Variants in PLCE1 observed in about 807,000 individuals in gnomAD.
PLCE1 encodes 1-phosphatidylinositol 4,5-bisphosphate phosphodiesterase epsilon-1.
In PLCE1, 119 loss-of-function variants were observed where a neutral mutation model predicts 242.8. The observed-to-expected ratio is 0.49, with a 90% CI of 0.42 to 0.57. The LOEUF (loss-of-function observed/expected upper bound fraction) is 0.57, where lower values mean the gene tolerates loss of function less well. Among genes scored for constraint, PLCE1 ranks in the 20% least tolerant of loss-of-function variants. The pLI is 0.00. For synonymous variants in PLCE1, 945 were observed against 1,017.4 expected, an observed-to-expected ratio of 0.93 and a Z score of 1.35; for missense variants, 2,441 against 2,788.8, an observed-to-expected ratio of 0.88 and a Z score of 2.81.
intron 19 of PLCE1, among the ~76,000 whole-genome samples, chr10:94,278,363 A>G (rs569224291): frequency 6.6e-6 from 1 of 152,316 alleles, no homozygotes; most frequent in East Asian, 1.9e-4. Context: ...GTAGGGAATA[A>G]ACTACAGTAA....
chr10:94,264,584 C>T (rs1035142452), intron 14 of PLCE1, among the ~76,000 whole-genome samples: 3 of 135,094 alleles, frequency 2.2e-5, no homozygotes, highest in East Asian at 2.2e-4. Flanking sequence ...GGCAGTGGCG[C>T]GATCTTTGTT....
chr10:94,027,820 A>AAAATAAAT (rs5787098), intron 1 of PLCE1, among the ~76,000 whole-genome samples: 266 of 149,410 alleles, frequency 1.8e-3, no homozygotes, highest in Non-Finnish European at 2.8e-3. Flanking sequence ...ACTCCATCTC[A>AAAATAAAT]AAATAAATAA....
At chr10:94,207,245 G>C (rs2049185141) in intron 4 of PLCE1, among the ~76,000 whole-genome samples, 1 of 152,182 alleles carries the variant, frequency 6.6e-6, no homozygotes, top group African/African-American at 2.4e-5. Context: ...AATGGAGAAG[G>C]GGACACACAG....
intron 2 of PLCE1, among the ~76,000 whole-genome samples, chr10:94,129,630 C>A (rs1023383520): frequency 2.0e-5 from 3 of 152,104 alleles, no homozygotes; most frequent in East Asian, 1.9e-4. Context: ...AATGAGCCAG[C>A]GCAGCAGCTT....
At position 94,010,171 on chromosome 10, in the gene PLCE1, C is replaced by T. The variant is rs184077520; in HGVS notation, c.-365+15913C>T. Among the ~76,000 whole-genome samples, 1,085 of 152,340 alleles carry T rather than the reference C, an allele frequency of 7.1e-3. 4 individuals carry two copies. The highest frequency in any genetic ancestry group is 0.02 in the Middle Eastern group (6 of 294). The stretch of plus-strand genomic sequence containing the variant: ...TCCTGTGCACCTGCACACTTAACAC[C>T]GCATGGAAGCCACCAGGGCATATGG... On this transcript the variant is annotated intron_variant, in intron 1 of 32. Transcript: ENST00000371380.
At chr10:94,171,158 G>A (rs1408001776) in intron 3 of PLCE1, 22 bp from the exon 4 acceptor site, 24 of 1,607,648 alleles carry the variant, frequency 1.5e-5, no homozygotes, top group East Asian at 2.2e-5. Flanking sequence ...ATGTAACCAC[G>A]ACTTCTGTTG....
chr10:94,236,800 C>T (rs2050339380), intron 7 of PLCE1, among the ~76,000 whole-genome samples: 1 of 152,140 alleles, frequency 6.6e-6, no homozygotes, highest in South Asian at 2.1e-4. Context: ...AGACCATCTG[C>T]AAATAATCAC....
chr10:94,123,713 C>T (rs1254161309), intron 2 of PLCE1, among the ~76,000 whole-genome samples: 2 of 152,198 alleles, frequency 1.3e-5, no homozygotes, highest in African/African-American at 2.4e-5. Flanking sequence ...TATCTTCAAC[C>T]TTTTAGAACA....
rs770314103 is a variant in PLCE1 at position 94,270,561 on chromosome 10, T to C, written c.4465T>C (p.Cys1489Arg). Residue 1489 changes from cysteine to arginine, a missense_variant, in exon 18 of 33, where the codon TGT (cysteine) becomes CGT (arginine). Cys to Arg is a radical substitution (Grantham distance 180). Coordinates refer to ENST00000371380, the MANE Select transcript of PLCE1 (RefSeq NM_016341.4). ...LPIIISIENH[C>R]SLPQQRKMAE... ...AATCATCATATCGATTGAGAACCAC[T>C]GTTCATTGCCTCAGCAACGAAAAAT... The C allele has an allele frequency of 1.2e-6, 2 of 1,613,858 alleles. No homozygotes were observed. The highest frequency in any genetic ancestry group is 1.7e-6 in the Non-Finnish European group (2 of 1,179,718).
At position 94,051,541 on chromosome 10, in the gene PLCE1, T is replaced by G. The variant is rs185760741; in HGVS notation, c.1206+19289T>G. ...ATAATTTTGTAGATAAGTATATGCA[T>G]CCCAAAACTAGCCGGAAATTTCTGA... On this transcript the variant is annotated intron_variant, in intron 2 of 32. Transcript: ENST00000371380. Among the ~76,000 whole-genome samples, 110 of 152,254 alleles carry G rather than the reference T, an allele frequency of 7.2e-4. No homozygotes were observed. In the East Asian group the frequency reaches 0.021, roughly 29 times the overall value.
chr10:94,287,529 C>T (rs935008032), intron 22 of PLCE1: 2 of 151,768 alleles, frequency 1.3e-5, no homozygotes, highest in Non-Finnish European at 2.9e-5. Flanking sequence ...GTATGAGGCC[C>T]ACAGAAAGGA....
intron 20 of PLCE1, chr10:94,280,753 C>T (rs1181440309): frequency 1.3e-5 from 2 of 152,112 alleles, no homozygotes; most frequent in Non-Finnish European, 2.9e-5. Flanking sequence ...TATGCCCAGA[C>T]CAGAAACCAT....
At chr10:94,004,515 G>C (rs1359888506) in intron 1 of PLCE1, among the ~76,000 whole-genome samples, 1 of 152,200 alleles carries the variant, frequency 6.6e-6, no homozygotes, top group African/African-American at 2.4e-5. Context: ...GCACCTGTGG[G>C]ACTCAGAAAC....
intron 4 of PLCE1, among the ~76,000 whole-genome samples, chr10:94,191,469 C>T (rs183447611): frequency 1.9e-4 from 29 of 152,114 alleles, no homozygotes; most frequent in African/African-American, 3.9e-4. Flanking sequence ...TAGCGAGACC[C>T]GGTCTCTACA....
chr10:94,265,503 C>T, intron 14 of PLCE1, 144 bp from the exon 15 acceptor site: 3 of 720,296 alleles, frequency 4.2e-6, no homozygotes, highest in Non-Finnish European at 7.3e-6. Context: ...TACTTCTTAC[C>T]ACTACGTTAC....
intron 4 of PLCE1, among the ~76,000 whole-genome samples, chr10:94,215,707 A>T (rs1169337470): frequency 6.6e-6 from 1 of 152,140 alleles, no homozygotes. Flanking sequence ...GGGTAAAGGA[A>T]AGTTAGTGAA....
At chr10:94,156,374 C>T (rs944596606) in intron 3 of PLCE1, among the ~76,000 whole-genome samples, 3 of 152,172 alleles carry the variant, frequency 2.0e-5, no homozygotes, top group African/African-American at 7.2e-5. Flanking sequence ...TGGCTACAAA[C>T]TGGGGGTCTT....
intron 1 of PLCE1, among the ~76,000 whole-genome samples, chr10:93,998,449 A>T (rs143902250): frequency 6.6e-6 from 1 of 152,250 alleles, no homozygotes; most frequent in East Asian, 1.9e-4. Flanking sequence ...TCATGGCTTA[A>T]GGTATAGAGC....
intron 2 of PLCE1, among the ~76,000 whole-genome samples, chr10:94,081,389 T>G (rs2044650421): frequency 6.6e-6 from 1 of 152,232 alleles, no homozygotes; most frequent in Admixed American, 6.5e-5. Context: ...TTTCTGCTTT[T>G]TATATTTTAG....
Sources: gnomAD v4.1 joint callset for allele counts (sites outside exome capture counted in the v4.1 genomes callset) on GRCh38, gnomAD v4.1.1 for gene constraint, MANE v1.5 for transcripts, NCBI Gene and HGNC (gene_info 2026-07-23, HGNC 2026-07-21) for gene names.